ADGRA2: variants seen among roughly 807,000 people sequenced by gnomAD.
ADGRA2 encodes the protein adhesion G protein-coupled receptor A2.
In ADGRA2, 61 loss-of-function variants were observed where a neutral mutation model predicts 98.7. The ratio of observed to expected loss-of-function variants is 0.62; its 90% confidence interval spans 0.50 to 0.76. The LOEUF (loss-of-function observed/expected upper bound fraction) is 0.76. Among genes scored for constraint, ADGRA2 ranks in the 30% least tolerant of loss-of-function variants. The pLI is 0.00. For missense variants in ADGRA2, 1,712 were observed against 1,860.0 expected (o/e 0.92, Z 1.46); for synonymous variants, 858 against 831.5 (o/e 1.03, Z -0.55).
At position 37,842,316 on chromosome 8, in the gene ADGRA2, C is replaced by T. The variant is rs371062428; in HGVS notation, c.3978C>T (p.Cys1326=). 131 of 1,537,730 alleles carry T rather than the reference C, an allele frequency of 8.5e-5. No homozygotes were observed. The highest frequency in any genetic ancestry group is 1.1e-4 in the Non-Finnish European group (126 of 1,147,684). The change falls in exon 19 of 19, where the codon TGC becomes TGT. Residue 1326 remains cysteine (C), a synonymous_variant. Transcript: ENST00000412232. Reference sequence around the variant, plus strand: ...GCGCGGAGGTAGCCAGCGGCGGCTGCATGAAGACCGGACTCTGGAAGAGCG... The same window carrying T: ...GCGCGGAGGTAGCCAGCGGCGGCTGTATGAAGACCGGACTCTGGAAGAGCG... ...LMGAEVASGG[C]MKTGLWKSET...
rs1450434576 is a variant in ADGRA2 at position 37,841,269 on chromosome 8, C to T, written c.2931C>T (p.Thr977=). 1 of 1,612,582 alleles carries T rather than the reference C, an allele frequency of 6.2e-7. No individual in the cohort carries two copies. The highest frequency in any genetic ancestry group is 8.5e-7 in the Non-Finnish European group (1 of 1,179,426). ...LEAGEELRGS[T]RLRGSGPLLS... is the part of the protein sequence containing the mutation. ...CAGGGGAGGAGCTGAGGGGTTCCACCAGGCTCAGGGGCAGCGGCCCCCTCC... is the reference window on the plus strand; with the variant it reads ...CAGGGGAGGAGCTGAGGGGTTCCACTAGGCTCAGGGGCAGCGGCCCCCTCC... The change falls in exon 19 of 19, where the codon ACC becomes ACT. Residue 977 remains threonine, a synonymous_variant. Transcript: ENST00000412232. This position sits in a 1 kb window ranked among gnomAD's most constrained non-coding sequence, Gnocchi z 5.0.
rs148277645 is a variant in ADGRA2, at chr8:37,831,888, A to ATC, written c.1097+305_1097+306dup. ...AGCCTGGCCAACATGGCAAAACCCC[A>ATC]TCTCTACCAAAAAGCACAAAAATCA... On this transcript the variant is annotated intron_variant, in intron 8 of 18. Coordinates refer to ENST00000412232, the MANE Select transcript of ADGRA2 (RefSeq NM_032777.10). Among the ~76,000 whole-genome samples, 663 of 152,216 alleles carry ATC rather than the reference A, an allele frequency of 4.4e-3. 5 individuals are homozygous for ATC. The highest frequency in any genetic ancestry group is 8.6e-3 in the Admixed American group (131 of 15,300).
rs1224617951 is a variant in ADGRA2, at chr8:37,844,608, T to C, written c.*2253T>C. On this transcript the variant is annotated 3_prime_UTR_variant, in exon 19 of 19. Coordinates refer to ENST00000412232, the MANE Select transcript of ADGRA2 (RefSeq NM_032777.10). The stretch of plus-strand genomic sequence containing the variant: ...TATTTCACTATCAGAAATGTTCTCA[T>C]CTCCAGTGACAGTGGAGACAGGGGG... The C allele has an allele frequency of 6.2e-7, 1 of 1,613,868 alleles. No individual in the cohort carries two copies. The highest frequency in any genetic ancestry group is 1.3e-5 in the African/African-American group (1 of 74,840).
rs759578306 is a variant in ADGRA2 at position 37,833,754 on chromosome 8, G to A, written c.1363G>A (p.Ala455Thr). ...HQLRVYTAEA[A>T]SFSDMMDVVY... The stretch of plus-strand genomic sequence containing the variant: ...GCTGCGCGTGTACACAGCCGAGGCC[G>A]CTAGCTTTTCAGACATGATGGATGT... Residue 455 changes from alanine (A) to threonine (T), a missense_variant, in exon 10 of 19, where the codon GCT (alanine) becomes ACT (threonine). Ala to Thr is a moderately conservative substitution (Grantham distance 58, BLOSUM62 0). Coordinates refer to ENST00000412232, the MANE Select transcript of ADGRA2 (RefSeq NM_032777.10). 55 of 1,614,038 alleles carry A rather than the reference G, an allele frequency of 3.4e-5. No individual in the cohort carries two copies. Among genetic ancestry groups the A allele is most frequent in the East Asian group, 8.9e-5 (4 of 44,902 alleles).
chr8:37,844,131 C>T lies in ADGRA2; in HGVS notation c.*1776C>T, dbSNP rs979897168. The T allele has an allele frequency of 4.8e-5, 12 of 247,436 alleles. No homozygotes were observed. The East Asian group carries it at 1.0e-3, about 21-fold the overall frequency. 15.3% of individuals were successfully genotyped at this position (247,436 alleles called of 1,614,324 possible). On this transcript the variant is annotated 3_prime_UTR_variant, in exon 19 of 19. Coordinates refer to ENST00000412232, the MANE Select transcript of ADGRA2 (RefSeq NM_032777.10). ...ACTGCTGGGAATGCCAACCACTCCA[C>T]AAGCAGAGGGAAGCCCCCTCAGGCC...
chr8:37,830,955 A>T lies in ADGRA2; in HGVS notation c.932+32A>T. 2 of 1,509,388 alleles carry T rather than the reference A, an allele frequency of 1.3e-6. No individual in the cohort carries two copies. The highest frequency in any genetic ancestry group is 1.8e-6 in the Non-Finnish European group (2 of 1,111,760). 93.5% of individuals were successfully genotyped at this position (1,509,388 alleles called of 1,614,324 possible). A position where few individuals can be genotyped will look rare whatever the true frequency, so the allele number is the denominator to read the frequency against. On this transcript the variant is annotated intron_variant, in intron 7 of 18. Transcript: ENST00000412232. This position sits in a 1 kb window ranked among gnomAD's most constrained non-coding sequence, Gnocchi z 4.8. ...GCCCCGCTGCCCCTCCTCAGGCCTC[A>T]GCATGGGGTTAGGGGACCTACCCTA...
chr8:37,812,471 C>CA (rs1304158761), intron 1 of ADGRA2, among the ~76,000 whole-genome samples: 21 of 151,710 alleles, frequency 1.4e-4, no homozygotes, highest in Admixed American at 1.4e-3. Context: ...ACTAAAAATA[C>CA]AAAAAATTAG....
In ADGRA2 at chr8:37,797,426, G is replaced by A. The variant is rs759018572; in HGVS notation, c.158G>A (p.Gly53Glu). ...AAGTGCTCGGGGGAGCGGCCCAAGG[G>A]GCTGAGCGGCGGCGTCCCTGGCCCG... ...SCKCSGERPKGLSGGVPGPAR... is the reference protein window; with the variant it reads ...SCKCSGERPKELSGGVPGPAR... The change falls in exon 1 of 19, where the codon GGG (glycine) becomes GAG (glutamate). Residue 53 changes from glycine (G) to glutamate (E), a missense_variant. Coordinates refer to ENST00000412232, the MANE Select transcript of ADGRA2 (RefSeq NM_032777.10). This position sits in a 1 kb window ranked among gnomAD's most constrained non-coding sequence, Gnocchi z 5.3. 5 of 1,424,070 alleles carry A rather than the reference G, an allele frequency of 3.5e-6. No homozygotes were observed. Among genetic ancestry groups the A allele is most frequent in the Non-Finnish European group, 3.7e-6 (4 of 1,087,362 alleles). 88.2% of individuals were successfully genotyped at this position (1,424,070 alleles called of 1,614,324 possible). A position where few individuals can be genotyped will look rare whatever the true frequency, so the allele number is the denominator to read the frequency against.
intron 1 of ADGRA2, among the ~76,000 whole-genome samples, chr8:37,799,388 AAAG>A (rs1169706612): frequency 1.3e-5 from 2 of 151,602 alleles, no homozygotes; most frequent in Non-Finnish European, 2.9e-5. Flanking sequence ...AAAAAAAAAA[AAAG>A]AATTCAGAGC....
intron 1 of ADGRA2, among the ~76,000 whole-genome samples, chr8:37,807,510 T>C (rs1176853194): frequency 6.6e-6 from 1 of 152,226 alleles, no homozygotes; most frequent in Non-Finnish European, 1.5e-5. Context: ...TTGCAGCATC[T>C]ATATTTTAGA....
At position 37,814,540 on chromosome 8, in the gene ADGRA2, G is replaced by A. The variant is rs572502971; in HGVS notation, c.267-356G>A. ...TGGGTGAAGGGCTTGAGCAAGGATGGAACTGTGAAGGGCATCATGAGGGGG... is the reference window on the plus strand; with the variant it reads ...TGGGTGAAGGGCTTGAGCAAGGATGAAACTGTGAAGGGCATCATGAGGGGG... On this transcript the variant is annotated intron_variant, in intron 1 of 18. Transcript: ENST00000412232. The surrounding 1 kb of genome is among the most constrained non-coding windows in gnomAD (Gnocchi z 4.3). Among the ~76,000 whole-genome samples, 40 of 152,354 alleles carry A rather than the reference G, an allele frequency of 2.6e-4. No homozygotes were observed. The highest frequency in any genetic ancestry group is 4.0e-4 in the Non-Finnish European group (27 of 68,030).
rs1013024618 is a variant in ADGRA2 at position 37,841,650 on chromosome 8, G to A, written c.3312G>A (p.Glu1104=). 6.5e-7 allele frequency: 1 copy of A among 1,528,038 alleles called. No homozygotes were observed. Among genetic ancestry groups the A allele is most frequent in the South Asian group, 1.2e-5 (1 of 80,260 alleles). 94.7% of individuals were successfully genotyped at this position (1,528,038 alleles called of 1,614,324 possible). Residue 1104 remains glutamate (E), a synonymous_variant, in exon 19 of 19, where the codon GAG becomes GAA. Transcript: ENST00000412232. This position sits in a 1 kb window ranked among gnomAD's most constrained non-coding sequence, Gnocchi z 5.0. ...APPRALPAAA[E]DGSPVFGEGP... is the part of the protein sequence containing the mutation. ...CCCGGGCCCTGCCCGCCGCCGCAGAGGACGGTTCCCCGGTGTTCGGGGAGG... is the reference window on the plus strand; with the variant it reads ...CCCGGGCCCTGCCCGCCGCCGCAGAAGACGGTTCCCCGGTGTTCGGGGAGG...
rs1585975190 is a variant in ADGRA2 at position 37,814,295 on chromosome 8, CGG to C, written c.267-598_267-597del. Among the ~76,000 whole-genome samples the C allele has an allele frequency of 6.6e-6, 1 of 152,190 alleles. No homozygotes were observed. The highest frequency in any genetic ancestry group is 2.1e-4 in the South Asian group (1 of 4,836). Reference sequence around the variant, plus strand: ...GCTGAGGCCTGGCTTCCCCTACACTCGGGGCTCCATTGGCTTTCTGCCAAGGC... The same window carrying C: ...GCTGAGGCCTGGCTTCCCCTACACTCGGCTCCATTGGCTTTCTGCCAAGGC... On this transcript the variant is annotated intron_variant, in intron 1 of 18. Transcript: ENST00000412232. The surrounding 1 kb of genome is among the most constrained non-coding windows in gnomAD (Gnocchi z 4.3).
chr8:37,800,238 A>G (rs1015160329), intron 1 of ADGRA2, among the ~76,000 whole-genome samples: 1 of 152,242 alleles, frequency 6.6e-6, no homozygotes, highest in Non-Finnish European at 1.5e-5. Context: ...TAAGGCTGAA[A>G]TGCTCTCTCC....
chr8:37,802,073 G>A lies in ADGRA2; in HGVS notation c.266+4539G>A, dbSNP rs1040948122. ...TGTCTGCCGCAGGTGTGCCTAGCAC[G>A]GGCTGGGTTCTTCTGCTGGGATTTC... On this transcript the variant is annotated intron_variant, in intron 1 of 18. Coordinates refer to ENST00000412232, the MANE Select transcript of ADGRA2 (RefSeq NM_032777.10). The surrounding 1 kb of genome is among the most constrained non-coding windows in gnomAD (Gnocchi z 4.7). 2.6e-5 allele frequency among the ~76,000 whole-genome samples: 4 copies of A among 152,216 alleles called. No individual in the cohort carries two copies. The highest frequency in any genetic ancestry group is 1.3e-4 in the Admixed American group (2 of 15,286).
At chr8:37,818,351 T>G (rs1805036457) in intron 2 of ADGRA2, among the ~76,000 whole-genome samples, 2 of 152,320 alleles carry the variant, frequency 1.3e-5, no homozygotes, top group South Asian at 4.1e-4. Context: ...CTTGCCCCTG[T>G]CTCCTCATCC....
rs575602586 is a variant in ADGRA2, at chr8:37,802,599, G to A, written c.266+5065G>A. Among the ~76,000 whole-genome samples the A allele has an allele frequency of 7.9e-5, 12 of 152,284 alleles. No homozygotes were observed. The East Asian group carries it at 1.9e-3, about 25-fold the overall frequency. The stretch of plus-strand genomic sequence containing the variant: ...ACCCCCACCCGGGCTCCGGGACCTC[G>A]CCTGTTCAAAGGCAGGGGCCCAGCA... On this transcript the variant is annotated intron_variant, in intron 1 of 18. Coordinates refer to ENST00000412232, the MANE Select transcript of ADGRA2 (RefSeq NM_032777.10). This position sits in a 1 kb window ranked among gnomAD's most constrained non-coding sequence, Gnocchi z 4.7.
chr8:37,829,414 C>A, intron 4 of ADGRA2, 74 bp from the exon 5 acceptor site: 3 of 1,529,342 alleles, frequency 2.0e-6, no homozygotes, highest in Non-Finnish European at 2.7e-6. Flanking sequence ...AACCCTTCCA[C>A]ATCCCACCTG....
intron 2 of ADGRA2, among the ~76,000 whole-genome samples, chr8:37,822,742 C>T (rs1460292341): frequency 1.3e-5 from 2 of 152,150 alleles, no homozygotes; most frequent in African/African-American, 4.8e-5. Flanking sequence ...TTTCATAACT[C>T]GATTCTTTCA....
Sources: gnomAD v4.1 joint callset for allele counts (sites outside exome capture counted in the v4.1 genomes callset) on GRCh38, gnomAD v4.1.1 for gene constraint, Gnocchi (gnomAD v3.1) non-coding constraint, MANE v1.5 for transcripts, NCBI Gene and HGNC (gene_info 2026-07-23, HGNC 2026-07-21) for gene names.